FMN1: variants seen among roughly 807,000 people sequenced by gnomAD.
The protein encoded by FMN1 is formin 1.
A neutral mutation model predicts 132.4 loss-of-function variants in FMN1; 110 were observed. That is an observed-to-expected ratio of 0.83 (90% CI 0.71 to 0.97). The LOEUF (loss-of-function observed/expected upper bound fraction) is 0.97, where lower values mean the gene tolerates loss of function less well. FMN1 is among the 50% of genes least tolerant of loss of function. The pLI, the probability that FMN1 is intolerant of heterozygous loss-of-function variation, is 0.00. For missense variants in FMN1, 1,792 were observed against 1,705.3 expected (o/e 1.05, Z -0.90); for synonymous variants, 722 against 651.7 (o/e 1.11, Z -1.64).
intron 3 of FMN1, among the ~76,000 whole-genome samples, chr15:33,174,926 A>T (rs1965462537): frequency 6.6e-6 from 1 of 152,252 alleles, no homozygotes; most frequent in South Asian, 2.1e-4. Flanking sequence ...GTGCCAACCC[A>T]CAGGGCTAGA....
chr15:32,845,762 C>A (rs370916150), intron 17 of FMN1, among the ~76,000 whole-genome samples: 50 of 152,286 alleles, frequency 3.3e-4, no homozygotes, highest in African/African-American at 1.2e-3. Context: ...CCAGAACTAA[C>A]AATTCAGGAA....
intron 6 of FMN1, among the ~76,000 whole-genome samples, chr15:33,014,902 A>G (rs2034949321): frequency 6.6e-6 from 1 of 152,244 alleles, no homozygotes; most frequent in South Asian, 2.1e-4. Context: ...AGTTTACCTA[A>G]TTACATATGG....
intron 6 of FMN1, chr15:33,012,570 C>T: frequency 2.1e-6 from 3 of 1,436,040 alleles, no homozygotes; most frequent in South Asian, 2.3e-5. Flanking sequence ...CCTTTGTAAC[C>T]TTTGACAACC....
In FMN1 at chr15:32,964,016, TACACACAC is replaced by T. The variant is rs374980152; in HGVS notation, c.3138+83_3138+90del. The T allele has an allele frequency of 2.3e-3, 1,146 of 508,314 alleles. 9 individuals are homozygous for T. The highest frequency in any genetic ancestry group is 1.0e-3 in the South Asian group (28 of 27,532). 31.5% of individuals were successfully genotyped at this position (508,314 alleles called of 1,614,324 possible). On this transcript the variant is annotated intron_variant, in intron 9 of 20. Coordinates refer to ENST00000616417, the MANE Select transcript of FMN1 (RefSeq NM_001277313.2). ...GGTATGTGTGTGTGTGTATATACGATACACACACACACACACACACACACACACACACA... is the reference window on the plus strand; with the variant it reads ...GGTATGTGTGTGTGTGTATATACGATACACACACACACACACACACACACA...
intron 19 of FMN1, among the ~76,000 whole-genome samples, chr15:32,780,765 G>A (rs1477811482): frequency 1.3e-5 from 2 of 152,110 alleles, no homozygotes; most frequent in African/African-American, 4.8e-5. Context: ...TTGGGTAACC[G>A]GTGGGGTCCT....
intron 9 of FMN1, among the ~76,000 whole-genome samples, chr15:32,935,936 T>C (rs1018139866): frequency 6.6e-6 from 1 of 152,078 alleles, no homozygotes; most frequent in African/African-American, 2.4e-5. Context: ...CTCCTCTTCG[T>C]TTTTTTCTTT....
At chr15:33,022,730 A>G (rs2141022819) in intron 6 of FMN1, among the ~76,000 whole-genome samples, 1 of 152,016 alleles carries the variant, frequency 6.6e-6, no homozygotes, top group South Asian at 2.1e-4. Context: ...GGCAGGCAGG[A>G]CATCCTGGAG....
rs546042990 is a variant in FMN1, at chr15:32,790,447, G to A, written c.4130+8357C>T. On this transcript the variant is annotated intron_variant, in intron 19 of 20. Coordinates refer to ENST00000616417, the MANE Select transcript of FMN1 (RefSeq NM_001277313.2). ...TGGTGAAGCCAAGGCATTTATTAAG[G>A]AAACTAAACACAAAATGTGTTCTTG... 4.6e-5 allele frequency among the ~76,000 whole-genome samples: 7 copies of A among 152,284 alleles called. No homozygotes were observed. In the South Asian group the frequency reaches 1.4e-3, roughly 32 times the overall value.
chr15:33,132,197 G>A (rs1963578286), intron 4 of FMN1, among the ~76,000 whole-genome samples: 1 of 151,920 alleles, frequency 6.6e-6, no homozygotes, highest in Non-Finnish European at 1.5e-5. Context: ...CTTCTTTCCT[G>A]GCTGTAATAT....
At position 32,888,118 on chromosome 15, in the gene FMN1, A is replaced by G; in HGVS notation, c.3835+54T>C. ...CAGACCTAAATAATCCTCTTAAAAC[A>G]TTTTTTAAAAGTAATCTTAGCTATT... On this transcript the variant is annotated intron_variant, in intron 16 of 20. Coordinates refer to ENST00000616417, the MANE Select transcript of FMN1 (RefSeq NM_001277313.2). The G allele has an allele frequency of 3.4e-6, 5 of 1,489,342 alleles. No homozygotes were observed. The South Asian group carries it at 6.5e-5, about 19-fold the overall frequency. The allele number at this position is 1,489,342 out of a possible 1,614,324, so 92.3% of individuals were successfully genotyped here.
At position 33,194,001 on chromosome 15, in the gene FMN1, G is replaced by T; in HGVS notation, c.-289C>A. On this transcript the variant is annotated 5_prime_UTR_variant, in exon 2 of 21. Transcript: ENST00000616417. ...GGTAGTGGCCTTGGAGGTGGTGGTAGTGGCAATGGTGATGATGATGATGAT... is the reference window on the plus strand; with the variant it reads ...GGTAGTGGCCTTGGAGGTGGTGGTATTGGCAATGGTGATGATGATGATGAT... The T allele has an allele frequency of 6.6e-6, 1 of 152,130 alleles. No individual in the cohort carries two copies. The allele number at this position is 152,130 out of a possible 1,614,324, so 9.4% of individuals were successfully genotyped here.
At chr15:33,024,223 A>ATTTTGTTTTTTTTTT (rs2035559556) in intron 6 of FMN1, among the ~76,000 whole-genome samples, 1 of 87,940 alleles carries the variant, frequency 1.1e-5, no homozygotes, top group Non-Finnish European at 2.1e-5. Context: ...CACCTATCAG[A>ATTTTGTTTTTTTTTT]TTTTTTTTTT....
intron 10 of FMN1, among the ~76,000 whole-genome samples, chr15:32,923,442 A>T (rs1000012935): frequency 2.0e-5 from 3 of 152,228 alleles, no homozygotes; most frequent in Non-Finnish European, 2.9e-5. Context: ...CGCCATATTC[A>T]TCTGGAATGC....
intron 10 of FMN1, among the ~76,000 whole-genome samples, chr15:32,916,507 G>C (rs866587303): frequency 1.3e-5 from 2 of 152,342 alleles, no homozygotes; most frequent in South Asian, 4.1e-4. Context: ...GTTAAGATTA[G>C]CCAAAGTAAA....
chr15:33,070,357 G>A (rs866311825), intron 5 of FMN1, among the ~76,000 whole-genome samples: 53 of 150,400 alleles, frequency 3.5e-4, no homozygotes, highest in Middle Eastern at 6.8e-3. Context: ...AATATGGCAG[G>A]GGGCAGTGGG....
intron 17 of FMN1, among the ~76,000 whole-genome samples, chr15:32,841,792 G>C (rs1379632722): frequency 6.6e-6 from 1 of 152,154 alleles, no homozygotes; most frequent in Non-Finnish European, 1.5e-5. Context: ...GGAGTTACGA[G>C]AACCAGAACA....
At chr15:33,101,682 TAAC>T (rs1218541885) in intron 4 of FMN1, among the ~76,000 whole-genome samples, 4 of 152,134 alleles carry the variant, frequency 2.6e-5, no homozygotes, top group East Asian at 3.9e-4. Flanking sequence ...GCATGAGATC[TAAC>T]AACAAGAGAC....
intron 6 of FMN1, among the ~76,000 whole-genome samples, chr15:33,032,054 A>G (rs773613016): frequency 6.6e-6 from 1 of 152,246 alleles, no homozygotes; most frequent in African/African-American, 2.4e-5. Context: ...TGTTGCTAAT[A>G]TTAACAGTTA....
intron 6 of FMN1, among the ~76,000 whole-genome samples, chr15:33,037,944 G>A (rs966283150): frequency 3.3e-5 from 5 of 152,198 alleles, no homozygotes; most frequent in African/African-American, 1.2e-4. Context: ...AAACTATTAT[G>A]GTTGGGTGTG....
Sources: gnomAD v4.1 joint callset for allele counts (sites outside exome capture counted in the v4.1 genomes callset) on GRCh38, gnomAD v4.1.1 for gene constraint, MANE v1.5 for transcripts, NCBI Gene and HGNC (gene_info 2026-07-23, HGNC 2026-07-21) for gene names.